Variants in VMP1 observed in about 807,000 individuals in gnomAD.
VMP1 encodes ectopic P-granules autophagy protein 3 homolog.
VMP1 carries 11 observed loss-of-function variants against 56.0 expected under a neutral mutation model. The observed-to-expected ratio is 0.20, with a 90% CI of 0.12 to 0.32. The LOEUF is 0.32. VMP1 is among the 10% of genes least tolerant of loss of function. VMP1 has a pLI of 1.00. For missense variants in VMP1, 296 were observed against 490.3 expected, an observed-to-expected ratio of 0.60 and a Z score of 3.74; for synonymous variants, 149 against 165.0, an observed-to-expected ratio of 0.90 and a Z score of 0.74.
intron 5 of VMP1, among the ~76,000 whole-genome samples, chr17:59,755,156 G>A (rs2035793975): frequency 1.3e-5 from 2 of 151,236 alleles, no homozygotes; most frequent in South Asian, 2.1e-4. Flanking sequence ...CTCCCAGGCT[G>A]GAGTGCAATG....
intron 7 of VMP1, among the ~76,000 whole-genome samples, chr17:59,779,509 C>T (rs184066697): frequency 5.3e-5 from 8 of 152,242 alleles, no homozygotes; most frequent in Admixed American, 5.2e-4. Context: ...CTTACATATC[C>T]CTCACCTGTA....
In VMP1 at chr17:59,735,435, T is replaced by G; in HGVS notation, c.174T>G (p.Ser58=). 6.2e-7 allele frequency: 1 copy of G among 1,614,182 alleles called. No individual in the cohort carries two copies. The highest frequency in any genetic ancestry group is 2.2e-5 in the East Asian group (1 of 44,870). The change falls in exon 3 of 12, where the codon TCT becomes TCG. Residue 58 remains serine (S), a synonymous_variant. Coordinates refer to ENST00000262291, the MANE Select transcript of VMP1 (RefSeq NM_030938.5). ...RQPLITLQYF[S]LEILVILKEW... is the part of the protein sequence containing the mutation. The stretch of plus-strand genomic sequence containing the variant: ...CGCTCATTACCTTGCAGTATTTTTC[T>G]CTGGAAATCCTTGTAATCTTGAAGG...
chr17:59,797,105 A>C (rs1274919871), intron 7 of VMP1, among the ~76,000 whole-genome samples: 2 of 152,066 alleles, frequency 1.3e-5, no homozygotes, highest in African/African-American at 2.4e-5. Context: ...AGAGCAAGGC[A>C]GGCGGGTCAC....
At chr17:59,779,364 G>T (rs2144063023) in intron 7 of VMP1, among the ~76,000 whole-genome samples, 1 of 152,294 alleles carries the variant, frequency 6.6e-6, no homozygotes, top group South Asian at 2.1e-4. Flanking sequence ...AGAGAGACTT[G>T]CCTGGCTGTG....
chr17:59,760,768 G>A (rs560873702), intron 5 of VMP1, among the ~76,000 whole-genome samples: 70 of 151,216 alleles, frequency 4.6e-4, no homozygotes, highest in African/African-American at 1.6e-3. Context: ...TTACAGGTGC[G>A]CACCACCATA....
chr17:59,761,103 A>G (rs965081170), intron 5 of VMP1, among the ~76,000 whole-genome samples: 1 of 151,270 alleles, frequency 6.6e-6, no homozygotes, highest in Non-Finnish European at 1.5e-5. Context: ...AGGTTTCACC[A>G]TGTTGGCCAG....
At chr17:59,767,224 A>G (rs1245800006) in intron 6 of VMP1, among the ~76,000 whole-genome samples, 1 of 152,160 alleles carries the variant, frequency 6.6e-6, no homozygotes, top group Non-Finnish European at 1.5e-5. Context: ...ATCACTTACA[A>G]ATCTTAACTC....
At chr17:59,787,391 T>G (rs80178956) in intron 7 of VMP1, among the ~76,000 whole-genome samples, 3,074 of 152,336 alleles carry the variant, frequency 0.02, 48 homozygotes, top group Non-Finnish European at 0.031. Flanking sequence ...GAAAGATAGT[T>G]GCAATGTGAT....
chr17:59,739,065 A>G lies in VMP1; in HGVS notation c.414+118A>G, dbSNP rs924269781. 9 of 723,716 alleles carry G rather than the reference A, an allele frequency of 1.2e-5. No homozygotes were observed. The East Asian group carries it at 2.5e-4, about 20-fold the overall frequency. The allele number at this position is 723,716 out of a possible 1,614,324, so 44.8% of individuals were successfully genotyped here. A position where few individuals can be genotyped will look rare whatever the true frequency, so the allele number is the denominator to read the frequency against. ...TTAATTACCTTTGTGTTTTGTAAGC[A>G]TTCTGATCCTCCAATCAGTGCTTTA... On this transcript the variant is annotated intron_variant, in intron 5 of 11. Coordinates refer to ENST00000262291, the MANE Select transcript of VMP1 (RefSeq NM_030938.5).
chr17:59,824,868 G>A (rs1285080741), intron 10 of VMP1, among the ~76,000 whole-genome samples: 15 of 101,538 alleles, frequency 1.5e-4, no homozygotes, highest in Admixed American at 1.2e-3. Flanking sequence ...GCAAGACTCC[G>A]TCTCAAAAAA....
intron 7 of VMP1, among the ~76,000 whole-genome samples, chr17:59,784,100 AGT>A (rs536985526): frequency 0.11 from 15,755 of 138,658 alleles, 1,103 homozygotes; most frequent in Admixed American, 0.19. Context: ...CATCAAAAAG[AGT>A]GTGTGTGTGT....
intron 10 of VMP1, among the ~76,000 whole-genome samples, chr17:59,829,190 A>C (rs1387542704): frequency 6.7e-6 from 1 of 150,372 alleles, no homozygotes; most frequent in African/African-American, 2.4e-5. Flanking sequence ...TAACACTTTC[A>C]TTCCAGTCAC....
At chr17:59,766,258 C>A (rs1439746944) in intron 6 of VMP1, among the ~76,000 whole-genome samples, 1 of 152,084 alleles carries the variant, frequency 6.6e-6, no homozygotes, top group Non-Finnish European at 1.5e-5. Context: ...AATCTCAGCA[C>A]TTTGGGCGGC....
At chr17:59,730,683 G>GA (rs982745649) in intron 1 of VMP1, among the ~76,000 whole-genome samples, 8 of 152,198 alleles carry the variant, frequency 5.3e-5, no homozygotes, top group Non-Finnish European at 1.2e-4. Context: ...TTTTTGAGTA[G>GA]AAAGTTTTGC....
At chr17:59,791,280 C>G (rs2037218386) in intron 7 of VMP1, among the ~76,000 whole-genome samples, 1 of 151,738 alleles carries the variant, frequency 6.6e-6, no homozygotes. Flanking sequence ...GCTCCACCTC[C>G]CAGGTTCAAA....
chr17:59,787,593 G>A (rs1406218297), intron 7 of VMP1, among the ~76,000 whole-genome samples: 2 of 152,068 alleles, frequency 1.3e-5, no homozygotes, highest in Non-Finnish European at 2.9e-5. Context: ...AGGCTGAGGC[G>A]GGTGGATCAC....
intron 10 of VMP1, among the ~76,000 whole-genome samples, chr17:59,832,336 T>A (rs754130025): frequency 4.0e-5 from 6 of 151,494 alleles, no homozygotes; most frequent in Non-Finnish European, 8.8e-5. Flanking sequence ...CTAATTTTTT[T>A]ATATTTTTAG....
intron 5 of VMP1, among the ~76,000 whole-genome samples, chr17:59,754,691 T>G (rs1029755880): frequency 4.6e-5 from 7 of 152,144 alleles, no homozygotes; most frequent in Admixed American, 1.3e-4. Flanking sequence ...AGACCCTTCT[T>G]AGAAAAAAAT....
At chr17:59,770,256 A>G (rs1285103521) in intron 6 of VMP1, among the ~76,000 whole-genome samples, 1 of 152,198 alleles carries the variant, frequency 6.6e-6, no homozygotes, top group East Asian at 1.9e-4. Flanking sequence ...ACTTAGGAGA[A>G]GTTCATGTTT....
Sources: gnomAD v4.1 joint callset for allele counts (sites outside exome capture counted in the v4.1 genomes callset) on GRCh38, gnomAD v4.1.1 for gene constraint, MANE v1.5 for transcripts, NCBI Gene and HGNC (gene_info 2026-07-23, HGNC 2026-07-21) for gene names.